Variants in HTR1E observed in about 807,000 individuals in gnomAD.
HTR1E encodes the protein 5-HT-1E.
Under a neutral mutation model 3.4 loss-of-function variants are expected in HTR1E, and 3 were observed. The observed-to-expected ratio is 0.89, with a 90% confidence interval of 0.41 to 2.31. The LOEUF is 2.31. Among genes scored for constraint, HTR1E ranks in the 30% most tolerant of loss-of-function variants. The probability of loss-of-function intolerance (pLI) is 0.05; values close to 1 mark genes in which losing one functional copy is unlikely to be tolerated. For missense variants in HTR1E, 392 were observed against 467.0 expected (o/e 0.84, Z 1.48); for synonymous variants, 170 against 182.8 (o/e 0.93, Z 0.56).
intron 1 of HTR1E, among the ~76,000 whole-genome samples, chr6:87,010,512 G>A (rs1768208829): frequency 6.8e-6 from 1 of 146,386 alleles, no homozygotes; most frequent in African/African-American, 2.5e-5. Context: ...CCCAGATGGG[G>A]CGGCGGGGCA....
At position 87,015,673 on chromosome 6, in the gene HTR1E, C is replaced by G; in HGVS notation, c.339C>G (p.Leu113=). 1 of 1,614,192 alleles carries G rather than the reference C, an allele frequency of 6.2e-7. No individual in the cohort carries two copies. The highest frequency in any genetic ancestry group is 8.5e-7 in the Non-Finnish European group (1 of 1,180,028). The change falls in exon 2 of 2, where the codon CTC becomes CTG. Residue 113 remains leucine, a synonymous_variant. Coordinates refer to ENST00000305344, the MANE Select transcript of HTR1E (RefSeq NM_000865.3). Reference sequence around the variant, plus strand: ...GCTGCACCTGCTCCATCCTCCACCTCTGTGTCATTGCCCTGGACAGGTACT... The same window carrying G: ...GCTGCACCTGCTCCATCCTCCACCTGTGTGTCATTGCCCTGGACAGGTACT... ...MTCCTCSILH[L]CVIALDRYWA...
chr6:86,950,369 A>G (rs770465679), intron 1 of HTR1E, among the ~76,000 whole-genome samples: 1 of 152,170 alleles, frequency 6.6e-6, no homozygotes, highest in Non-Finnish European at 1.5e-5. Context: ...GTTCTGATAG[A>G]GATGAAGTGC....
chr6:86,977,788 G>T (rs890253318), intron 1 of HTR1E, among the ~76,000 whole-genome samples: 1 of 152,082 alleles, frequency 6.6e-6, no homozygotes, highest in Non-Finnish European at 1.5e-5. Context: ...TTATCATTTC[G>T]ATTTGCATTT....
At chr6:86,995,205 C>A (rs1337971311) in intron 1 of HTR1E, among the ~76,000 whole-genome samples, 1 of 151,874 alleles carries the variant, frequency 6.6e-6, no homozygotes, top group African/African-American at 2.4e-5. Context: ...AATCCCAGCA[C>A]TTTGGGAGGC....
intron 1 of HTR1E, among the ~76,000 whole-genome samples, chr6:87,006,739 G>A (rs571424178): frequency 9.2e-5 from 14 of 152,308 alleles, no homozygotes; most frequent in African/African-American, 3.1e-4. Flanking sequence ...ATACTATGCA[G>A]CCATAAAAAA....
chr6:86,947,760 T>C (rs1582255756), intron 1 of HTR1E, among the ~76,000 whole-genome samples: 2 of 152,326 alleles, frequency 1.3e-5, no homozygotes, highest in South Asian at 2.1e-4. Context: ...TTAGTAAATA[T>C]TGACTATATC....
At chr6:87,007,975 T>TA (rs1214427776) in intron 1 of HTR1E, among the ~76,000 whole-genome samples, 1 of 151,934 alleles carries the variant, frequency 6.6e-6, no homozygotes, top group Non-Finnish European at 1.5e-5. Context: ...AAAGCAACAT[T>TA]AAAAAATACA....
chr6:87,011,752 G>A (rs1768240592), intron 1 of HTR1E, among the ~76,000 whole-genome samples: 2 of 152,038 alleles, frequency 1.3e-5, no homozygotes, highest in Admixed American at 1.3e-4. Context: ...GTATCAGACA[G>A]TAATCCCTAT....
chr6:86,945,296 G>A (rs555082278), intron 1 of HTR1E, among the ~76,000 whole-genome samples: 3 of 152,286 alleles, frequency 2.0e-5, no homozygotes, highest in African/African-American at 7.2e-5. Context: ...AGGCTGGAGT[G>A]CAGCAGCACA....
At chr6:86,980,501 G>A (rs577243407) in intron 1 of HTR1E, among the ~76,000 whole-genome samples, 22 of 152,244 alleles carry the variant, frequency 1.4e-4, no homozygotes, top group African/African-American at 5.3e-4. Flanking sequence ...AACAGTACAG[G>A]AGGGACTCTC....
intron 1 of HTR1E, among the ~76,000 whole-genome samples, chr6:86,994,338 A>T (rs1223960722): frequency 6.6e-6 from 1 of 152,204 alleles, no homozygotes; most frequent in Non-Finnish European, 1.5e-5. Context: ...TCGCAGTTAA[A>T]TTTCTGAAAA....
rs569765649 is a variant in HTR1E, at chr6:87,005,908, G to C, written c.-185-9242G>C. Among the ~76,000 whole-genome samples, 7 of 152,210 alleles carry C rather than the reference G, an allele frequency of 4.6e-5. No homozygotes were observed. The South Asian group carries it at 1.2e-3, about 27-fold the overall frequency. ...CTATTGGAAAAAAATCTAATAATCT[G>C]ATTTTAAAACAGGCAAAAGATTTGA... On this transcript the variant is annotated intron_variant, in intron 1 of 1. Coordinates refer to ENST00000305344, the MANE Select transcript of HTR1E (RefSeq NM_000865.3).
chr6:86,950,424 G>C (rs188177952), intron 1 of HTR1E, among the ~76,000 whole-genome samples: 14 of 152,288 alleles, frequency 9.2e-5, no homozygotes, highest in Admixed American at 7.8e-4. Context: ...GGCCTTAGGG[G>C]AATGGGTGGG....
rs771433111 is a variant in HTR1E, at chr6:87,015,835, C to T, written c.501C>T (p.Ser167=). Residue 167 remains serine, a synonymous_variant, in exon 2 of 2, where the codon AGC becomes AGT. Coordinates refer to ENST00000305344, the MANE Select transcript of HTR1E (RefSeq NM_000865.3). Reference sequence around the variant, plus strand: ...TCTGGAGAAGCCACCGCCGCCTAAGCCCTCCCCCTAGTCAGTGCACCATCC... The same window carrying T: ...TCTGGAGAAGCCACCGCCGCCTAAGTCCTCCCCCTAGTCAGTGCACCATCC... ...PLFWRSHRRL[S]PPPSQCTIQH... is the part of the protein sequence containing the mutation. 1 of 1,613,768 alleles carries T rather than the reference C, an allele frequency of 6.2e-7. No individual in the cohort carries two copies. Among genetic ancestry groups the T allele is most frequent in the East Asian group, 2.2e-5 (1 of 44,884 alleles).
chr6:86,992,885 T>C (rs549997253), intron 1 of HTR1E, among the ~76,000 whole-genome samples: 2 of 152,286 alleles, frequency 1.3e-5, no homozygotes, highest in Middle Eastern at 3.4e-3. Flanking sequence ...CAATAAAATA[T>C]TGAAATGTTT....
At chr6:86,954,379 G>A (rs907357236) in intron 1 of HTR1E, among the ~76,000 whole-genome samples, 1 of 152,130 alleles carries the variant, frequency 6.6e-6, no homozygotes, top group African/African-American at 2.4e-5. Context: ...CTAGAGGCCT[G>A]CCCCACAAAT....
chr6:86,951,300 T>C lies in HTR1E; in HGVS notation c.-186+13477T>C, dbSNP rs185795627. Among the ~76,000 whole-genome samples the C allele has an allele frequency of 1.7e-3, 258 of 152,344 alleles. 2 individuals are homozygous for C. Among genetic ancestry groups the C allele is most frequent in the Middle Eastern group, 0.01 (3 of 294 alleles). ...TCAAGCTAGCTTGAAACTCTTCTTA[T>C]CAGCCTTTAACTACGTACTTTACCA... On this transcript the variant is annotated intron_variant, in intron 1 of 1. Transcript: ENST00000305344.
At chr6:86,971,753 G>C (rs982525530) in intron 1 of HTR1E, among the ~76,000 whole-genome samples, 50 of 151,982 alleles carry the variant, frequency 3.3e-4, no homozygotes, top group African/African-American at 1.2e-3. Context: ...TTTTGACATG[G>C]GAATATTGCA....
intron 1 of HTR1E, among the ~76,000 whole-genome samples, chr6:86,955,185 T>C (rs137867169): frequency 4.6e-5 from 7 of 152,344 alleles, no homozygotes; most frequent in Non-Finnish European, 1.0e-4. Context: ...ATGGTTCCCA[T>C]GCAGATTATC....
Sources: gnomAD v4.1 joint callset for allele counts (sites outside exome capture counted in the v4.1 genomes callset) on GRCh38, gnomAD v4.1.1 for gene constraint, MANE v1.5 for transcripts, NCBI Gene and HGNC (gene_info 2026-07-23, HGNC 2026-07-21) for gene names.